Variants in CTIF observed in about 807,000 individuals in gnomAD.
The protein encoded by CTIF is CBP80/20-dependent translation initiation factor.
CTIF carries 21 observed loss-of-function variants against 66.0 expected under a neutral mutation model. The ratio of observed to expected loss-of-function variants is 0.32; its 90% CI spans 0.23 to 0.46. CTIF has a LOEUF of 0.46. Ranked by LOEUF, CTIF falls within the 20% of genes least tolerant of loss-of-function variation. The pLI is 1.00. For missense variants in CTIF, 739 were observed against 812.7 expected (o/e 0.91, Z 1.10); for synonymous variants, 345 against 326.4 (o/e 1.06, Z -0.62).
chr18:48,597,601 C>T (rs561602212), intron 1 of CTIF, among the ~76,000 whole-genome samples: 121 of 148,490 alleles, frequency 8.1e-4, no homozygotes, highest in African/African-American at 2.7e-3. Context: ...GGCCATGTGA[C>T]GTGCCTGCTT....
At chr18:48,647,262 C>T (rs1034825554) in intron 3 of CTIF, among the ~76,000 whole-genome samples, 26 of 152,058 alleles carry the variant, frequency 1.7e-4, no homozygotes, top group African/African-American at 5.6e-4. Flanking sequence ...GTAATAGAAA[C>T]GGGGAAGAGG....
At chr18:48,631,799 A>G (rs953358367) in intron 2 of CTIF, among the ~76,000 whole-genome samples, 1 of 152,042 alleles carries the variant, frequency 6.6e-6, no homozygotes, top group Non-Finnish European at 1.5e-5. Context: ...TGACCTTTTC[A>G]AGTAAGACAC....
chr18:48,680,750 C>T (rs369873905), intron 6 of CTIF, among the ~76,000 whole-genome samples: 13 of 152,260 alleles, frequency 8.5e-5, no homozygotes, highest in Admixed American at 5.9e-4. Flanking sequence ...CAGCATCTTC[C>T]CTCCTCTGTC....
chr18:48,627,589 C>T (rs2090625790), intron 2 of CTIF, among the ~76,000 whole-genome samples: 1 of 151,834 alleles, frequency 6.6e-6, no homozygotes, highest in South Asian at 2.1e-4. Context: ...CATGATGGTG[C>T]ATGCCTGTGA....
chr18:48,787,580 C>T (rs774223400), intron 9 of CTIF, among the ~76,000 whole-genome samples: 8 of 152,106 alleles, frequency 5.3e-5, no homozygotes, highest in African/African-American at 4.8e-5. Flanking sequence ...AACCAGGGAC[C>T]GTGACGGGCC....
chr18:48,720,255 C>T (rs893131093), intron 7 of CTIF, among the ~76,000 whole-genome samples: 6 of 152,154 alleles, frequency 3.9e-5, no homozygotes, highest in Non-Finnish European at 4.4e-5. Context: ...GTGGTAGCTT[C>T]GCTAGGGGAT....
chr18:48,647,241 G>C (rs2091058148), intron 3 of CTIF, among the ~76,000 whole-genome samples: 1 of 152,198 alleles, frequency 6.6e-6, no homozygotes, highest in Admixed American at 6.5e-5. Flanking sequence ...TAACATTCTT[G>C]AGAGGGCAAA....
chr18:48,716,020 C>T (rs2092277942), intron 7 of CTIF, among the ~76,000 whole-genome samples: 1 of 152,190 alleles, frequency 6.6e-6, no homozygotes, highest in Admixed American at 6.5e-5. Context: ...CGCTCTTTGC[C>T]CAGAGCAGTT....
At chr18:48,800,758 C>T (rs2068033196) in intron 9 of CTIF, among the ~76,000 whole-genome samples, 1 of 152,234 alleles carries the variant, frequency 6.6e-6, no homozygotes, top group African/African-American at 2.4e-5. Flanking sequence ...TGGGGCTTGC[C>T]CAGGTCCAAG....
chr18:48,857,108 G>C (rs1400032510), intron 10 of CTIF, among the ~76,000 whole-genome samples: 2 of 152,198 alleles, frequency 1.3e-5, no homozygotes, highest in Non-Finnish European at 2.9e-5. Context: ...TGGAGAAGAG[G>C]GCTTTGACTC....
intron 9 of CTIF, among the ~76,000 whole-genome samples, chr18:48,802,839 T>G (rs556909940): frequency 6.6e-6 from 1 of 152,338 alleles, no homozygotes; most frequent in South Asian, 2.1e-4. Context: ...AGTGACACCT[T>G]GCTTTGAGGA....
chr18:48,659,816 G>A (rs1209983077), intron 3 of CTIF, among the ~76,000 whole-genome samples: 1 of 152,210 alleles, frequency 6.6e-6, no homozygotes, highest in African/African-American at 2.4e-5. Context: ...GAGTCAGGAG[G>A]CTGAGCCACA....
chr18:48,667,557 C>A lies in CTIF; in HGVS notation c.431+3006C>A, dbSNP rs117748996. Among the ~76,000 whole-genome samples the A allele has an allele frequency of 2.2e-4, 34 of 152,242 alleles. No individual in the cohort carries two copies. In the East Asian group the frequency reaches 6.6e-3, roughly 29 times the overall value. ...GCCTGCATGTTGAAGGCAAGCTTGC[C>A]AAAGTGTCTCACCAGTCCCCAGAGA... On this transcript the variant is annotated intron_variant, in intron 5 of 11. Coordinates refer to ENST00000256413, the MANE Select transcript of CTIF (RefSeq NM_014772.3).
At chr18:48,541,907 A>G (rs2088630000) in intron 1 of CTIF, among the ~76,000 whole-genome samples, 1 of 150,918 alleles carries the variant, frequency 6.6e-6, no homozygotes, top group African/African-American at 2.4e-5. Flanking sequence ...TATTAGCCCC[A>G]TTTTACGGAT....
intron 7 of CTIF, among the ~76,000 whole-genome samples, chr18:48,730,321 TGTG>T (rs2092431025): frequency 2.9e-5 from 3 of 103,042 alleles, no homozygotes; most frequent in Non-Finnish European, 4.3e-5. Flanking sequence ...GCTTCTGCGG[TGTG>T]AGGGGCCCCT....
chr18:48,655,650 G>T (rs1399424781), intron 3 of CTIF, among the ~76,000 whole-genome samples: 1 of 152,184 alleles, frequency 6.6e-6, no homozygotes, highest in Non-Finnish European at 1.5e-5. Context: ...GTGACTGAGG[G>T]TGCACTGTAT....
intron 6 of CTIF, among the ~76,000 whole-genome samples, chr18:48,705,066 G>A (rs1055762732): frequency 6.6e-6 from 1 of 152,166 alleles, no homozygotes; most frequent in Admixed American, 6.5e-5. Flanking sequence ...GGTCTATGCT[G>A]GACAACTGGT....
At chr18:48,609,446 G>A (rs1397877179) in intron 1 of CTIF, among the ~76,000 whole-genome samples, 1 of 152,204 alleles carries the variant, frequency 6.6e-6, no homozygotes, top group East Asian at 1.9e-4. Flanking sequence ...TGATAATTGA[G>A]TGCTTGATGT....
chr18:48,707,531 CCTT>C (rs1220900067), intron 6 of CTIF, among the ~76,000 whole-genome samples: 1 of 151,916 alleles, frequency 6.6e-6, no homozygotes, highest in Non-Finnish European at 1.5e-5. Flanking sequence ...TTCTCCTCCT[CCTT>C]CTTTTCCTTG....
Sources: allele counts gnomAD v4.1 joint callset (sites outside exome capture counted in the v4.1 genomes callset), GRCh38; gene constraint gnomAD v4.1.1; transcripts MANE v1.5; gene names NCBI Gene and HGNC (gene_info 2026-07-23, HGNC 2026-07-21).